EYA1: variants seen among roughly 807,000 people sequenced by gnomAD.
EYA1 encodes EYA transcriptional coactivator and phosphatase 1.
Under a neutral mutation model 82.0 loss-of-function variants are expected in EYA1, and 16 were observed. The observed-to-expected ratio is 0.20, with a 90% CI of 0.13 to 0.30. The LOEUF is 0.30. Among genes scored for constraint, EYA1 ranks in the 10% least tolerant of loss-of-function variants. EYA1 has a pLI of 1.00. For synonymous variants in EYA1, 261 were observed against 264.4 expected (o/e 0.99, Z 0.12); for missense variants, 633 against 730.7 (o/e 0.87, Z 1.54).
intron 12 of EYA1, among the ~76,000 whole-genome samples, chr8:71,223,627 A>G (rs1333319481): frequency 1.3e-5 from 2 of 152,188 alleles, no homozygotes; most frequent in African/African-American, 4.8e-5. Flanking sequence ...CCATGCGGCA[A>G]ATGCACATTC....
intron 11 of EYA1, among the ~76,000 whole-genome samples, chr8:71,248,617 C>A (rs1365486399): frequency 6.6e-6 from 1 of 152,162 alleles, no homozygotes; most frequent in Non-Finnish European, 1.5e-5. Flanking sequence ...GAGTGCAAAG[C>A]CATCTCACCC....
intron 4 of EYA1, among the ~76,000 whole-genome samples, chr8:71,330,167 T>C (rs866146399): frequency 2.6e-5 from 4 of 152,154 alleles, no homozygotes; most frequent in Non-Finnish European, 5.9e-5. Context: ...CTTTTACCCG[T>C]AGAGCCGAAT....
At chr8:71,508,146 C>G (rs762900720) in intron 2 of EYA1, among the ~76,000 whole-genome samples, 3 of 152,122 alleles carry the variant, frequency 2.0e-5, no homozygotes, top group Non-Finnish European at 4.4e-5. Context: ...TGCACTTTCT[C>G]CTTCGTTTGA....
rs983071921 is a variant in EYA1, at chr8:71,495,611, CA to C, written c.33+40132del. 7.4e-4 allele frequency among the ~76,000 whole-genome samples: 113 copies of C among 151,992 alleles called. 1 individual carries two copies. The highest frequency in any genetic ancestry group is 2.6e-3 in the African/African-American group (108 of 41,484). On this transcript the variant is annotated intron_variant, in intron 2 of 18. Transcript: ENST00000643681. ...TGGGCGACAGACCAAGACTCTGTCT[CA>C]AAAAAATAAATAAATAAACAAAATT...
chr8:71,299,842 G>C, intron 7 of EYA1, 122 bp from the exon 8 acceptor site: 1 of 697,948 alleles, frequency 1.4e-6, no homozygotes. Context: ...AGAATCTGTT[G>C]TCATGTCTAA....
At chr8:71,489,738 T>C (rs1220407403) in intron 2 of EYA1, among the ~76,000 whole-genome samples, 1 of 152,244 alleles carries the variant, frequency 6.6e-6, no homozygotes, top group Non-Finnish European at 1.5e-5. Context: ...CTGCAAAAAC[T>C]TGCACATGAT....
At chr8:71,294,332 G>A (rs137951510) in intron 9 of EYA1, among the ~76,000 whole-genome samples, 2,324 of 152,054 alleles carry the variant, frequency 0.015, 24 homozygotes, top group Non-Finnish European at 0.025. Context: ...GGTAGCGGGC[G>A]CCTGTAGTCC....
In EYA1 at chr8:71,324,099, T is replaced by G. The variant is rs181977915; in HGVS notation, c.203-1831A>C. The G allele has an allele frequency of 2.6e-3, 389 of 152,366 alleles. 1 individual carries two copies. The highest frequency in any genetic ancestry group is 8.8e-3 in the African/African-American group (366 of 41,588). The allele number at this position is 152,366 out of a possible 1,614,324, so 9.4% of individuals were successfully genotyped here. A position where few individuals can be genotyped will look rare whatever the true frequency, so the allele number is the denominator to read the frequency against. ...CCATTTATTCTTTCCTAGCTCTATG[T>G]CTATGTTTTTTGAATTGTGGGTCAT... On this transcript the variant is annotated intron_variant, in intron 4 of 17. Coordinates refer to ENST00000340726, the MANE Select transcript of EYA1 (RefSeq NM_000503.6).
chr8:71,227,212 T>A (rs1180332666), intron 12 of EYA1, among the ~76,000 whole-genome samples: 1 of 152,162 alleles, frequency 6.6e-6, no homozygotes, highest in Non-Finnish European at 1.5e-5. Context: ...AGAACTACTC[T>A]TAAGAATGAG....
At chr8:71,388,648 C>T (rs1047681955) in intron 2 of EYA1, among the ~76,000 whole-genome samples, 3 of 152,072 alleles carry the variant, frequency 2.0e-5, no homozygotes, top group African/African-American at 7.2e-5. Context: ...CTAATTAATG[C>T]CACATTACAC....
chr8:71,521,171 GAAC>G (rs1305283058), intron 2 of EYA1, among the ~76,000 whole-genome samples: 2 of 151,942 alleles, frequency 1.3e-5, no homozygotes, highest in African/African-American at 4.8e-5. Context: ...AGATGGAAAT[GAAC>G]AATAGAAGTA....
chr8:71,447,258 T>C (rs1187317099), intron 2 of EYA1, among the ~76,000 whole-genome samples: 1 of 152,118 alleles, frequency 6.6e-6, no homozygotes, highest in Non-Finnish European at 1.5e-5. Context: ...CTTAGACTTC[T>C]ACTAAATGGC....
intron 3 of EYA1, among the ~76,000 whole-genome samples, chr8:71,337,564 G>A (rs568561709): frequency 7.2e-4 from 109 of 152,268 alleles, no homozygotes; most frequent in African/African-American, 2.4e-3. Context: ...TGGTCTTGAA[G>A]TCAGAGAATC....
In EYA1 at chr8:71,304,615, T is replaced by C. The variant is rs948509410; in HGVS notation, c.557-4895A>G. Among the ~76,000 whole-genome samples the C allele has an allele frequency of 7.0e-5, 10 of 142,630 alleles. 1 individual carries two copies. The highest frequency in any genetic ancestry group is 1.3e-4 in the Non-Finnish European group (8 of 62,718). The allele number at this position is 142,630 out of a possible 152,430, so 93.6% of individuals were successfully genotyped here. On this transcript the variant is annotated intron_variant, in intron 7 of 17. Transcript: ENST00000340726. The stretch of plus-strand genomic sequence containing the variant: ...TTACCAAATACCTATAAGTGTCTGA[T>C]TTTTAGTACCAATTCAGGAGGTGTT...
At chr8:71,199,781 T>G (rs1303038093) in intron 17 of EYA1, among the ~76,000 whole-genome samples, 1 of 152,236 alleles carries the variant, frequency 6.6e-6, no homozygotes, top group Non-Finnish European at 1.5e-5. Flanking sequence ...TTAAAAAGCT[T>G]GTACTTTATG....
intron 2 of EYA1, among the ~76,000 whole-genome samples, chr8:71,515,138 G>T (rs766113613): frequency 1.3e-5 from 2 of 152,056 alleles, no homozygotes; most frequent in Non-Finnish European, 2.9e-5. Context: ...GAAAGAAAGA[G>T]ACCAGTGTTA....
intron 2 of EYA1, among the ~76,000 whole-genome samples, chr8:71,388,286 A>G (rs1829076300): frequency 6.6e-6 from 1 of 152,192 alleles, no homozygotes; most frequent in Non-Finnish European, 1.5e-5. Flanking sequence ...GGGATTTACA[A>G]TATGAAGGCC....
intron 2 of EYA1, among the ~76,000 whole-genome samples, chr8:71,526,734 T>C (rs1431129929): frequency 6.6e-6 from 1 of 152,172 alleles, no homozygotes; most frequent in Non-Finnish European, 1.5e-5. Context: ...ATACGGGCCT[T>C]TGTGACCTAG....
intron 2 of EYA1, chr8:71,404,776 G>A: frequency 6.5e-6 from 1 of 154,312 alleles, no homozygotes; most frequent in Non-Finnish European, 1.4e-5. Flanking sequence ...AAATTAGCCA[G>A]ATGTGGTGGC....
Sources: allele counts gnomAD v4.1 joint callset (sites outside exome capture counted in the v4.1 genomes callset), GRCh38; gene constraint gnomAD v4.1.1; transcripts MANE v1.5; gene names NCBI Gene and HGNC (gene_info 2026-07-23, HGNC 2026-07-21).